PPP2R2C: variants seen among roughly 807,000 people sequenced by gnomAD.
The protein encoded by PPP2R2C is protein phosphatase 2, regulatory subunit B, gamma.
Under a neutral mutation model 45.3 loss-of-function variants are expected in PPP2R2C, and 10 were observed. The ratio of observed to expected loss-of-function variants is 0.22; its 90% CI spans 0.14 to 0.37. The LOEUF is 0.37. Ranked by LOEUF, PPP2R2C falls within the 10% of genes least tolerant of loss-of-function variation. The pLI is 1.00. For missense variants in PPP2R2C, 308 were observed against 619.7 expected, an observed-to-expected ratio of 0.50 and a Z score of 5.34; for synonymous variants, 257 against 245.4, an observed-to-expected ratio of 1.05 and a Z score of -0.44.
intron 1 of PPP2R2C, among the ~76,000 whole-genome samples, chr4:6,394,934 C>A (rs1467050583): frequency 2.0e-5 from 3 of 152,210 alleles, no homozygotes; most frequent in Non-Finnish European, 4.4e-5. Context: ...TGCTTTGTCT[C>A]TGGCCATAAT....
chr4:6,358,141 T>C (rs1469152600), intron 5 of PPP2R2C, among the ~76,000 whole-genome samples: 6 of 152,016 alleles, frequency 3.9e-5, no homozygotes, highest in Non-Finnish European at 7.4e-5. Flanking sequence ...AACAGAGATA[T>C]AGACCAATGG....
intron 2 of PPP2R2C, among the ~76,000 whole-genome samples, chr4:6,511,900 G>GTGA (rs1723574851): frequency 2.4e-5 from 1 of 42,540 alleles, no homozygotes. Context: ...GGTGATGGTG[G>GTGA]TGGTGGTGGT....
At chr4:6,365,616 G>C (rs1028996603) in intron 5 of PPP2R2C, among the ~76,000 whole-genome samples, 4 of 152,234 alleles carry the variant, frequency 2.6e-5, no homozygotes, top group Non-Finnish European at 5.9e-5. Flanking sequence ...TGCATGCAGA[G>C]GGACTGTGTC....
At chr4:6,394,917 T>C (rs1418291635) in intron 1 of PPP2R2C, among the ~76,000 whole-genome samples, 1 of 152,180 alleles carries the variant, frequency 6.6e-6, no homozygotes, top group Admixed American at 6.5e-5. Flanking sequence ...GGGGTCAGGC[T>C]CTAAGCTGCT....
intron 1 of PPP2R2C, among the ~76,000 whole-genome samples, chr4:6,550,063 G>T (rs1312548675): frequency 6.6e-6 from 1 of 152,148 alleles, no homozygotes. Context: ...TCACAGCGGG[G>T]TAGGGGGACA....
At chr4:6,410,940 C>T (rs1718149460) in intron 1 of PPP2R2C, among the ~76,000 whole-genome samples, 1 of 151,940 alleles carries the variant, frequency 6.6e-6, no homozygotes, top group Non-Finnish European at 1.5e-5. Flanking sequence ...GCGATCTCTG[C>T]TCACTGCAGC....
In PPP2R2C at chr4:6,472,375, G is replaced by A. The variant is rs1721950812; in HGVS notation, c.-146C>T. 3.7e-6 allele frequency: 4 copies of A among 1,069,070 alleles called. No individual in the cohort carries two copies. Among genetic ancestry groups the A allele is most frequent in the East Asian group, 5.9e-5 (1 of 16,972 alleles). The allele number at this position is 1,069,070 out of a possible 1,614,324, so 66.2% of individuals were successfully genotyped here. On this transcript the variant is annotated 5_prime_UTR_variant, in exon 1 of 9. Coordinates refer to ENST00000382599, the MANE Select transcript of PPP2R2C (RefSeq NM_020416.4). Reference sequence around the variant, plus strand: ...GCCCCGAAGGGAGGGCATCGCGGCAGGGGGACGGGCGGGGGCGGCCGGGGG... The same window carrying A: ...GCCCCGAAGGGAGGGCATCGCGGCAAGGGGACGGGCGGGGGCGGCCGGGGG...
intron 1 of PPP2R2C, among the ~76,000 whole-genome samples, chr4:6,441,720 A>G (rs1720163028): frequency 6.6e-6 from 1 of 152,190 alleles, no homozygotes; most frequent in South Asian, 2.1e-4. Context: ...GGTGAACTTG[A>G]TAAGGAATAG....
chr4:6,342,124 AC>A lies in PPP2R2C; in HGVS notation c.790+5721del, dbSNP rs1312898535. 4.0e-4 allele frequency among the ~76,000 whole-genome samples: 55 copies of A among 137,888 alleles called. 1 individual carries two copies. In the South Asian group the frequency reaches 0.012, roughly 30 times the overall value. 90.5% of individuals were successfully genotyped at this position (137,888 alleles called of 152,430 possible). ...CACACACACACACACACACACACAC[AC>A]ACATACATATATATACATACATATA... is the stretch of plus-strand genomic sequence containing the variant. On this transcript the variant is annotated intron_variant, in intron 6 of 8. Coordinates refer to ENST00000382599, the MANE Select transcript of PPP2R2C (RefSeq NM_020416.4).
At chr4:6,404,845 T>C (rs1293988510) in intron 1 of PPP2R2C, among the ~76,000 whole-genome samples, 1 of 152,194 alleles carries the variant, frequency 6.6e-6, no homozygotes. Context: ...GGGGGCTGCA[T>C]GCGTGCTAAG....
Position 6,347,994 on chromosome 4 carries a change from C to A in PPP2R2C, c.642G>T (p.Lys214Asn), listed in dbSNP as rs1247259830. Reference sequence around the variant, plus strand: ...CCGTAAGGTCCTCCATGTTGGCCGGCTTGATGTCCACGATGTCTGGGGGCA... The same window carrying A: ...CCGTAAGGTCCTCCATGTTGGCCGGATTGATGTCCACGATGTCTGGGGGCA... ...TDRSFNIVDI[K>N]PANMEDLTEV... The change falls in exon 6 of 9, where the codon AAG becomes AAT. Residue 214 changes from lysine to asparagine, a missense_variant. Physicochemically the swap from Lys to Asn is moderately conservative, Grantham distance 94. Transcript: ENST00000382599. 2 of 1,613,812 alleles carry A rather than the reference C, an allele frequency of 1.2e-6. No homozygotes were observed. Among genetic ancestry groups the A allele is most frequent in the African/African-American group, 2.7e-5 (2 of 74,896 alleles).
In PPP2R2C at chr4:6,384,251, C is replaced by A. The variant is rs1716065143; in HGVS notation, c.71-3157G>T. The A allele has an allele frequency of 1.3e-5, 13 of 985,408 alleles. No individual in the cohort carries two copies. In the South Asian group the frequency reaches 5.6e-4, roughly 43 times the overall value. The allele number at this position is 985,408 out of a possible 1,614,324, so 61.0% of individuals were successfully genotyped here. On this transcript the variant is annotated intron_variant, in intron 1 of 8. Coordinates refer to ENST00000382599, the MANE Select transcript of PPP2R2C (RefSeq NM_020416.4). ...GTTCTTGCTATTTCATATTAAAACC[C>A]CCTGAGGGTGAAGGAACGGGATATA...
At chr4:6,443,184 G>A (rs956371901) in intron 1 of PPP2R2C, among the ~76,000 whole-genome samples, 5 of 152,084 alleles carry the variant, frequency 3.3e-5, no homozygotes, top group African/African-American at 1.2e-4. Context: ...CTCTTGTTAG[G>A]ATCCCCTCCA....
At chr4:6,396,082 G>A (rs149178540) in intron 1 of PPP2R2C, among the ~76,000 whole-genome samples, 5 of 152,332 alleles carry the variant, frequency 3.3e-5, no homozygotes, top group Admixed American at 6.5e-5. Flanking sequence ...GCGAACCCTC[G>A]CGGCAGCCCT....
intron 2 of PPP2R2C, among the ~76,000 whole-genome samples, chr4:6,505,322 A>T (rs1723187857): frequency 6.6e-6 from 1 of 152,244 alleles, no homozygotes; most frequent in Non-Finnish European, 1.5e-5. Context: ...TTCAGAATGG[A>T]AACACAGATT....
At chr4:6,413,198 C>T (rs545841471) in intron 1 of PPP2R2C, among the ~76,000 whole-genome samples, 1 of 152,264 alleles carries the variant, frequency 6.6e-6, no homozygotes, top group East Asian at 1.9e-4. Context: ...CACACACACG[C>T]CAATGTGCTC....
intron 1 of PPP2R2C, among the ~76,000 whole-genome samples, chr4:6,429,054 A>G (rs1284141376): frequency 6.6e-6 from 1 of 152,232 alleles, no homozygotes; most frequent in Admixed American, 6.5e-5. Flanking sequence ...CACCTCTGCC[A>G]TTATAGCAGA....
In PPP2R2C at chr4:6,507,284, C is replaced by T. The variant is rs150364831; in HGVS notation, c.49+27987G>A. ...CCAGCTATAAACTAAAAGGTTTGGC[C>T]TGGGTGATCTCGGAAGACCTTCCTG... On this transcript the variant is annotated intron_variant, in intron 2 of 9. Coordinates refer to the PPP2R2C transcript ENST00000506140. Among the ~76,000 whole-genome samples, 493 of 152,338 alleles carry T rather than the reference C, an allele frequency of 3.2e-3. 1 individual carries two copies. Among genetic ancestry groups the T allele is most frequent in the African/African-American group, 0.011 (470 of 41,578 alleles).
Position 6,381,792 on chromosome 4 carries a change from C to A in PPP2R2C, c.71-698G>T, listed in dbSNP as rs772844928. 1.3e-5 allele frequency: 21 copies of A among 1,613,820 alleles called. No homozygotes were observed. In the South Asian group the frequency reaches 2.3e-4, roughly 18 times the overall value. ...ACCCCCATACCTGGAGTCTTCAATG[C>A]CCAGGGCTGGCCTTCCTGGATGGGC... is the stretch of plus-strand genomic sequence containing the variant. On this transcript the variant is annotated intron_variant, in intron 1 of 8. Coordinates refer to ENST00000382599, the MANE Select transcript of PPP2R2C (RefSeq NM_020416.4).
Sources: gnomAD v4.1 joint callset for allele counts (sites outside exome capture counted in the v4.1 genomes callset) on GRCh38, gnomAD v4.1.1 for gene constraint, MANE v1.5 for transcripts, NCBI Gene and HGNC (gene_info 2026-07-23, HGNC 2026-07-21) for gene names.